EMC2: variants seen among roughly 807,000 people sequenced by gnomAD.
EMC2 encodes ER membrane protein complex subunit 2, also known as TPR repeat protein 35.
EMC2 carries 37 observed loss-of-function variants against 51.6 expected under a neutral mutation model. That is an observed-to-expected ratio of 0.72 (90% CI 0.55 to 0.94). The LOEUF is 0.94. EMC2 is among the 40% of genes least tolerant of loss of function. EMC2 has a pLI of 0.00. For synonymous variants in EMC2, 131 were observed against 112.4 expected (o/e 1.17, Z -1.04); for missense variants, 359 against 350.9 (o/e 1.02, Z -0.18).
At chr8:108,478,161 A>G (rs2130406486) in intron 9 of EMC2, among the ~76,000 whole-genome samples, 1 of 152,214 alleles carries the variant, frequency 6.6e-6, no homozygotes, top group African/African-American at 2.4e-5. Flanking sequence ...GGCTGGCATA[A>G]AACAAAGGCT....
At chr8:108,467,092 A>G (rs2130381576) in intron 5 of EMC2, among the ~76,000 whole-genome samples, 1 of 152,250 alleles carries the variant, frequency 6.6e-6, no homozygotes, top group South Asian at 2.1e-4. Context: ...CCTGCTCCTC[A>G]GTTCTTTCCA....
intron 1 of EMC2, chr8:108,446,319 T>A: frequency 2.4e-6 from 1 of 421,616 alleles, no homozygotes; most frequent in East Asian, 7.3e-5. Flanking sequence ...TCATTGGGTA[T>A]CTTAAGAATT....
rs1241855110 is a variant in EMC2, at chr8:108,484,942, T to TGA, written c.808-1569_808-1568dup. Among the ~76,000 whole-genome samples, 12 of 152,174 alleles carry TGA rather than the reference T, an allele frequency of 7.9e-5. No individual in the cohort carries two copies. The East Asian group carries it at 1.9e-3, about 24-fold the overall frequency. ...AATTCCTTAAATTCGTGATGCCTTT[T>TGA]GAAAGGCAAGGTGATCTTGATTTTT... On this transcript the variant is annotated intron_variant, in intron 10 of 10. Coordinates refer to ENST00000220853, the MANE Select transcript of EMC2 (RefSeq NM_014673.5).
intron 5 of EMC2, among the ~76,000 whole-genome samples, chr8:108,461,937 T>A (rs1420223086): frequency 6.6e-6 from 1 of 151,664 alleles, no homozygotes; most frequent in East Asian, 1.9e-4. Flanking sequence ...GCCTCCCGGG[T>A]AGCTGGGACT....
At chr8:108,457,329 TGC>T (rs1272712050) in intron 5 of EMC2, among the ~76,000 whole-genome samples, 104 of 82,908 alleles carry the variant, frequency 1.3e-3, no homozygotes, top group Non-Finnish European at 2.4e-3. Context: ...TGCGTGTGTG[TGC>T]GTGTGTGTGT....
In EMC2 at chr8:108,446,886, G is replaced by A. The variant is rs572391168; in HGVS notation, c.41-2937G>A. Among the ~76,000 whole-genome samples the A allele has an allele frequency of 3.3e-5, 5 of 152,150 alleles. No homozygotes were observed. The East Asian group carries it at 9.7e-4, about 29-fold the overall frequency. On this transcript the variant is annotated intron_variant, in intron 1 of 10. Transcript: ENST00000220853. ...AGCTATGTAAGGTGTATAGCTTAAG[G>A]TGTTTATAGGTAAAATGTTGCTTGT...
At chr8:108,447,657 T>C (rs1281206829) in intron 1 of EMC2, among the ~76,000 whole-genome samples, 3 of 152,168 alleles carry the variant, frequency 2.0e-5, no homozygotes, top group African/African-American at 7.2e-5. Flanking sequence ...ATGCAAGTTG[T>C]CATGGAAGGA....
At chr8:108,445,513 A>G (rs375271845) in intron 1 of EMC2, among the ~76,000 whole-genome samples, 9 of 151,878 alleles carry the variant, frequency 5.9e-5, no homozygotes, top group South Asian at 2.1e-4. Context: ...TCATTTATCA[A>G]TTCCCCACAA....
Position 108,479,123 on chromosome 8 carries a change from T to TGATC in EMC2, c.807+14_807+17dup. On this transcript the variant is annotated intron_variant, in intron 10 of 10. Transcript: ENST00000220853. ...CAGAGCTTATCAGGTTAGTATTTATTGATCATTTTGCTATGTAGGTCAGTT... is the reference window on the plus strand; with the variant it reads ...CAGAGCTTATCAGGTTAGTATTTATTGATCGATCATTTTGCTATGTAGGTCAGTT... 7.0e-7 allele frequency: 1 copy of TGATC among 1,437,666 alleles called. No homozygotes were observed. The allele number at this position is 1,437,666 out of a possible 1,614,324, so 89.1% of individuals were successfully genotyped here.
intron 1 of EMC2, among the ~76,000 whole-genome samples, chr8:108,449,301 TCTTG>T (rs1818959640): frequency 6.7e-6 from 1 of 148,236 alleles, no homozygotes; most frequent in Non-Finnish European, 1.5e-5. Context: ...TGAGACAAAG[TCTTG>T]CTTTGTCACT....
chr8:108,468,447 C>G (rs1810776011), intron 5 of EMC2, among the ~76,000 whole-genome samples: 2 of 151,888 alleles, frequency 1.3e-5, no homozygotes. Context: ...GATATAGATT[C>G]TTTTTTTATT....
In EMC2 at chr8:108,453,052, A is replaced by C. The variant is rs1395746820; in HGVS notation, c.220-10A>C. 3 of 1,563,666 alleles carry C rather than the reference A, an allele frequency of 1.9e-6. No individual in the cohort carries two copies. Among genetic ancestry groups the C allele is most frequent in the Non-Finnish European group, 2.6e-6 (3 of 1,145,708 alleles). ...ATAATGTAATTACTACTCAACCCTT[A>C]TTTTTTCAGTTTTGTCTTCAAGAGC... On this transcript the variant is annotated splice_polypyrimidine_tract_variant and intron_variant, in intron 3 of 10. Coordinates refer to ENST00000220853, the MANE Select transcript of EMC2 (RefSeq NM_014673.5).
chr8:108,485,179 C>A (rs774237947), intron 10 of EMC2, among the ~76,000 whole-genome samples: 13 of 151,612 alleles, frequency 8.6e-5, no homozygotes, highest in Non-Finnish European at 1.9e-4. Context: ...TGTGTTTGAT[C>A]ACTTAATCTT....
rs917698022 is a variant in EMC2, at chr8:108,489,120, C to A, written c.*2522C>A. Among the ~76,000 whole-genome samples, 1 of 152,044 alleles carries A rather than the reference C, an allele frequency of 6.6e-6. No homozygotes were observed. The highest frequency in any genetic ancestry group is 2.4e-5 in the African/African-American group (1 of 41,386). Reference sequence around the variant, plus strand: ...GTCCCTGATATGGCATTGTTGAACACCCAAATCAAGATGAGCAATTGCCAA... The same window carrying A: ...GTCCCTGATATGGCATTGTTGAACAACCAAATCAAGATGAGCAATTGCCAA... On this transcript the variant is annotated 3_prime_UTR_variant, in exon 11 of 11. Coordinates refer to ENST00000220853, the MANE Select transcript of EMC2 (RefSeq NM_014673.5).
intron 5 of EMC2, among the ~76,000 whole-genome samples, chr8:108,461,832 C>CT (rs1360581902): frequency 3.2e-4 from 49 of 151,322 alleles, no homozygotes; most frequent in African/African-American, 8.0e-4. Context: ...TAGGGAAGCA[C>CT]TTTTTTTTTA....
At chr8:108,472,257 AC>A (rs1810870140) in intron 7 of EMC2, among the ~76,000 whole-genome samples, 1 of 151,770 alleles carries the variant, frequency 6.6e-6, no homozygotes, top group Non-Finnish European at 1.5e-5. Context: ...TTTAGGTTAT[AC>A]CTTATTTTTA....
rs199867701 is a variant in EMC2 at position 108,443,642 on chromosome 8, C to G, written c.-17C>G. 3.8e-5 allele frequency: 61 copies of G among 1,606,422 alleles called. 2 individuals are homozygous for G. The Admixed American group carries it at 7.1e-4, about 19-fold the overall frequency. Reference sequence around the variant, plus strand: ...TCTCCCCGCCCTCTCACCCCGCTGCCTCTAGGTTCTGGGAAGATGGCGAAG... The same window carrying G: ...TCTCCCCGCCCTCTCACCCCGCTGCGTCTAGGTTCTGGGAAGATGGCGAAG... On this transcript the variant is annotated 5_prime_UTR_variant, in exon 1 of 11. Transcript: ENST00000220853.
intron 7 of EMC2, chr8:108,473,826 A>G (rs1321075863): frequency 6.6e-6 from 1 of 152,042 alleles, no homozygotes; most frequent in Non-Finnish European, 1.5e-5. Context: ...TGTAATAACA[A>G]TTGTTATTCT....
At chr8:108,456,051 A>G (rs1315801850) in intron 5 of EMC2, 121 bp downstream of exon 5, 2 of 298,964 alleles carry the variant, frequency 6.7e-6, no homozygotes, top group Non-Finnish European at 1.3e-5. Context: ...ATTAAAAAAT[A>G]TTTTTATTTT....
Sources: allele counts gnomAD v4.1 joint callset (sites outside exome capture counted in the v4.1 genomes callset), GRCh38; gene constraint gnomAD v4.1.1; transcripts MANE v1.5; gene names NCBI Gene and HGNC (gene_info 2026-07-23, HGNC 2026-07-21).